The following ARL15 variants were observed in gnomAD, a reference collection of about 807,000 sequenced individuals.
ARL15 encodes ARF like GTPase 15, also known as ADP-ribosylation factor-like protein 15.
ARL15 carries 19 observed loss-of-function variants against 25.2 expected under a neutral mutation model. The ratio of observed to expected loss-of-function variants is 0.75; its 90% CI spans 0.53 to 1.10. The LOEUF (loss-of-function observed/expected upper bound fraction) is 1.10. ARL15 is among the 50% of genes least tolerant of loss of function. ARL15 has a pLI of 0.00. For synonymous variants in ARL15, 94 were observed against 86.8 expected, an observed-to-expected ratio of 1.08 and a Z score of -0.46; for missense variants, 220 against 246.0, an observed-to-expected ratio of 0.89 and a Z score of 0.71.
intron 4 of ARL15, among the ~76,000 whole-genome samples, chr5:54,041,088 A>G (rs904653438): frequency 6.6e-6 from 1 of 152,210 alleles, no homozygotes; most frequent in Non-Finnish European, 1.5e-5. Flanking sequence ...GCCAGGGGAA[A>G]AAGTGAGACA....
intron 4 of ARL15, chr5:53,912,090 C>T (rs115351447): frequency 6.6e-6 from 1 of 152,032 alleles, no homozygotes; most frequent in African/African-American, 2.4e-5. Context: ...CTGTATCATT[C>T]CAATTTTAGT....
Position 54,225,946 on chromosome 5 carries a change from G to A in ARL15, c.49-54018C>T, listed in dbSNP as rs769877273. On this transcript the variant is annotated intron_variant, in intron 1 of 4. Transcript: ENST00000504924. ...TGGGACCCCAGGGTGAAGAAGGATCGAAAACTAAAAAGACTTTCCCAGGAG... is the reference window on the plus strand; with the variant it reads ...TGGGACCCCAGGGTGAAGAAGGATCAAAAACTAAAAAGACTTTCCCAGGAG... Among the ~76,000 whole-genome samples, 16 of 152,250 alleles carry A rather than the reference G, an allele frequency of 1.1e-4. No individual in the cohort carries two copies. In the East Asian group the frequency reaches 1.2e-3, roughly 11 times the overall value.
chr5:53,985,681 T>C (rs1043502766), intron 4 of ARL15, among the ~76,000 whole-genome samples: 1 of 152,216 alleles, frequency 6.6e-6, no homozygotes, highest in African/African-American at 2.4e-5. Flanking sequence ...ATTGCATGTG[T>C]ATATATAGTA....
chr5:54,051,149 C>A (rs1251913301), intron 4 of ARL15, among the ~76,000 whole-genome samples: 1 of 152,172 alleles, frequency 6.6e-6, no homozygotes, highest in Non-Finnish European at 1.5e-5. Context: ...TTGAGCATCT[C>A]CTTTGTGGCA....
At chr5:54,078,961 T>C (rs1377820331) in intron 4 of ARL15, among the ~76,000 whole-genome samples, 1 of 152,170 alleles carries the variant, frequency 6.6e-6, no homozygotes, top group African/African-American at 2.4e-5. Context: ...TTACTATCAA[T>C]ACCTTATTTA....
At chr5:54,011,169 GTA>G (rs1749230991) in intron 4 of ARL15, among the ~76,000 whole-genome samples, 1 of 152,134 alleles carries the variant, frequency 6.6e-6, no homozygotes, top group Admixed American at 6.5e-5. Context: ...GAAAATAAGT[GTA>G]GTTTCACAGA....
At chr5:54,181,848 G>A (rs1579882284) in intron 1 of ARL15, among the ~76,000 whole-genome samples, 1 of 150,958 alleles carries the variant, frequency 6.6e-6, no homozygotes, top group African/African-American at 2.4e-5. Flanking sequence ...ATTCTAACTG[G>A]TGTGAGATGA....
intron 4 of ARL15, among the ~76,000 whole-genome samples, chr5:53,993,914 A>G (rs1181638283): frequency 6.6e-6 from 1 of 152,208 alleles, no homozygotes. Flanking sequence ...ACAGAACCTT[A>G]TTACCAACAT....
Position 54,282,581 on chromosome 5 carries a change from T to C in ARL15, c.48+27851A>G, listed in dbSNP as rs926567655. ...TGTCCTCTAATACAAGAGCATCATT[T>C]AAGGAGTGTAACTTATTGTAATGGT... On this transcript the variant is annotated intron_variant, in intron 1 of 4. Coordinates refer to ENST00000504924, the MANE Select transcript of ARL15 (RefSeq NM_019087.3). 4.1e-6 allele frequency: 4 copies of C among 980,350 alleles called. No homozygotes were observed. The Admixed American group carries it at 2.5e-4, about 61-fold the overall frequency. 60.7% of individuals were successfully genotyped at this position (980,350 alleles called of 1,614,324 possible). A position where few individuals can be genotyped will look rare whatever the true frequency, so the allele number is the denominator to read the frequency against.
chr5:54,062,660 T>C (rs144915300), intron 4 of ARL15, among the ~76,000 whole-genome samples: 48 of 152,318 alleles, frequency 3.2e-4, no homozygotes, highest in Admixed American at 9.1e-4. Context: ...GTAAGTCTAA[T>C]TAATCTTCTT....
chr5:54,138,162 A>G lies in ARL15; in HGVS notation c.253+16418T>C, dbSNP rs189542821. On this transcript the variant is annotated intron_variant, in intron 3 of 4. Transcript: ENST00000504924. ...ATTATATTTAGGATTTTCTTCCAGA[A>G]GAGTACCACCACACATCTTAAAATA... Among the ~76,000 whole-genome samples, 249 of 152,310 alleles carry G rather than the reference A, an allele frequency of 1.6e-3. 2 individuals carry two copies. The highest frequency in any genetic ancestry group is 8.1e-3 in the Admixed American group (124 of 15,284).
At chr5:53,895,422 G>T (rs1744840943) in intron 4 of ARL15, among the ~76,000 whole-genome samples, 1 of 152,132 alleles carries the variant, frequency 6.6e-6, no homozygotes, top group South Asian at 2.1e-4. Flanking sequence ...TGTATGTAGA[G>T]ACTTGCTAAG....
At chr5:54,214,798 G>A (rs1410060510) in intron 1 of ARL15, among the ~76,000 whole-genome samples, 1 of 152,052 alleles carries the variant, frequency 6.6e-6, no homozygotes, top group African/African-American at 2.4e-5. Flanking sequence ...CACTTTCCTT[G>A]CAGGAACCTG....
At chr5:54,187,146 T>C (rs1052010116) in intron 1 of ARL15, among the ~76,000 whole-genome samples, 4 of 152,150 alleles carry the variant, frequency 2.6e-5, no homozygotes, top group East Asian at 1.9e-4. Flanking sequence ...TTGCCACTTA[T>C]GCTAACTGCT....
chr5:54,257,327 A>T (rs909043299), intron 1 of ARL15, among the ~76,000 whole-genome samples: 2 of 152,214 alleles, frequency 1.3e-5, no homozygotes, highest in African/African-American at 4.8e-5. Context: ...AACCAAAGAG[A>T]TGAAAGATCT....
At chr5:54,278,861 A>G (rs373731130) in intron 1 of ARL15, among the ~76,000 whole-genome samples, 5 of 152,342 alleles carry the variant, frequency 3.3e-5, no homozygotes, top group African/African-American at 1.2e-4. Flanking sequence ...GTCTCTGAGT[A>G]ATGATCTTTA....
At chr5:53,983,784 T>A (rs554455598) in intron 4 of ARL15, among the ~76,000 whole-genome samples, 1 of 152,262 alleles carries the variant, frequency 6.6e-6, no homozygotes, top group South Asian at 2.1e-4. Context: ...TTAGGTAATC[T>A]CACGCAGTCC....
At chr5:54,251,983 A>T (rs17512701) in intron 1 of ARL15, among the ~76,000 whole-genome samples, 62,009 of 152,218 alleles carry the variant, frequency 0.41, 16,288 homozygotes, top group Non-Finnish European at 0.58. Flanking sequence ...ACCACGTCAA[A>T]CAACTGTTTA....
chr5:54,092,049 C>G (rs1185959552), intron 4 of ARL15, among the ~76,000 whole-genome samples: 1 of 145,584 alleles, frequency 6.9e-6, no homozygotes, highest in Non-Finnish European at 1.5e-5. Context: ...AAATTGAAAA[C>G]ACACACACAC....
Sources: allele counts gnomAD v4.1 joint callset (sites outside exome capture counted in the v4.1 genomes callset), GRCh38; gene constraint gnomAD v4.1.1; transcripts MANE v1.5; gene names NCBI Gene and HGNC (gene_info 2026-07-23, HGNC 2026-07-21).